Variants in PLD5 observed in about 807,000 individuals in gnomAD.
PLD5 encodes the protein phospholipase D family member 5.
A neutral mutation model predicts 61.1 loss-of-function variants in PLD5; 36 were observed. The ratio of observed to expected loss-of-function variants is 0.59; its 90% CI spans 0.45 to 0.78. The LOEUF is 0.78. Among genes scored for constraint, PLD5 ranks in the 30% least tolerant of loss-of-function variants. The pLI is 0.00. For missense variants in PLD5, 515 were observed against 644.4 expected, an observed-to-expected ratio of 0.80 and a Z score of 2.17; for synonymous variants, 243 against 242.8, an observed-to-expected ratio of 1.00 and a Z score of -0.01.
chr1:242,492,199 G>T (rs1012897758), intron 1 of PLD5, among the ~76,000 whole-genome samples: 1 of 152,060 alleles, frequency 6.6e-6, no homozygotes, highest in African/African-American at 2.4e-5. Context: ...AGCCACCAGT[G>T]TGAAAGAACA....
intron 1 of PLD5, among the ~76,000 whole-genome samples, chr1:242,419,396 T>TC (rs1665009654): frequency 1.3e-5 from 2 of 150,264 alleles, no homozygotes; most frequent in Non-Finnish European, 3.0e-5. Flanking sequence ...GTTTTTTTTT[T>TC]TTTTTTTTTG....
chr1:242,500,749 G>A (rs568760464), intron 1 of PLD5, among the ~76,000 whole-genome samples: 48 of 152,100 alleles, frequency 3.2e-4, no homozygotes, highest in African/African-American at 9.9e-4. Flanking sequence ...GAGGGAGACA[G>A]GATGTAGTCC....
chr1:242,244,501 C>T (rs1017013107), intron 4 of PLD5, among the ~76,000 whole-genome samples: 19 of 152,232 alleles, frequency 1.2e-4, no homozygotes, highest in Admixed American at 1.0e-3. Flanking sequence ...AACAGATTCA[C>T]ATTCACTTGG....
At chr1:242,113,072 T>TTC (rs1319892055) in intron 7 of PLD5, among the ~76,000 whole-genome samples, 4 of 141,868 alleles carry the variant, frequency 2.8e-5, no homozygotes, top group East Asian at 2.1e-4. Flanking sequence ...TGAAGTTTCT[T>TTC]TCTCTCTCTC....
chr1:242,199,578 C>T (rs1460709456), intron 5 of PLD5, among the ~76,000 whole-genome samples: 1 of 152,126 alleles, frequency 6.6e-6, no homozygotes, highest in East Asian at 1.9e-4. Context: ...TTTTGCTACA[C>T]TGATTTATTG....
At chr1:242,181,686 C>T (rs1558313818) in intron 5 of PLD5, among the ~76,000 whole-genome samples, 1 of 151,636 alleles carries the variant, frequency 6.6e-6, no homozygotes, top group African/African-American at 2.4e-5. Context: ...TGTTTTGAGA[C>T]AGAGTCTCAC....
chr1:242,447,849 G>T lies in PLD5; in HGVS notation c.189+76239C>A, dbSNP rs114195621. The stretch of plus-strand genomic sequence containing the variant: ...AGAATATCACTATGCGTATGTTTAT[G>T]CCCATGCTCAAAGTATGCTGGCGCG... On this transcript the variant is annotated intron_variant, in intron 1 of 9. Transcript: ENST00000536534. Among the ~76,000 whole-genome samples the T allele has an allele frequency of 7.4e-3, 1,125 of 152,208 alleles. 17 individuals are homozygous for T. Among genetic ancestry groups the T allele is most frequent in the African/African-American group, 0.026 (1,072 of 41,520 alleles).
intron 5 of PLD5, among the ~76,000 whole-genome samples, chr1:242,179,247 C>T (rs66482918): frequency 0.32 from 48,581 of 151,902 alleles, 7,982 homozygotes; most frequent in African/African-American, 0.36. Context: ...CAAAATATCC[C>T]GTTATTTTCA....
intron 3 of PLD5, among the ~76,000 whole-genome samples, chr1:242,271,230 AGAGAGAG>A (rs1674057701): frequency 2.0e-5 from 3 of 146,880 alleles, no homozygotes; most frequent in African/African-American, 7.9e-5. Context: ...AGAGAGAGAG[AGAGAGAG>A]AGAGAGAAAC....
chr1:242,315,731 T>C (rs1363164282), intron 2 of PLD5, among the ~76,000 whole-genome samples: 1 of 152,182 alleles, frequency 6.6e-6, no homozygotes, highest in African/African-American at 2.4e-5. Context: ...CCCAGGTAGC[T>C]GGGACTACAG....
At position 242,348,200 on chromosome 1, in the gene PLD5, A is replaced by G. The variant is rs756158754; in HGVS notation, c.232T>C (p.Phe78Leu). Residue 78 changes from phenylalanine to leucine, a missense_variant, in exon 2 of 10, where the codon TTT becomes CTT. Phe to Leu is a conservative substitution (Grantham distance 22, BLOSUM62 0). Coordinates refer to ENST00000536534, the MANE Select transcript of PLD5 (RefSeq NM_001372062.1). Reference protein sequence around the residue: ...CIVIFALVCCFAILVALIFSA... With the variant: ...CIVIFALVCCLAILVALIFSA... The stretch of plus-strand genomic sequence containing the variant: ...AAGATCAGTGCAACCAGAATGGCAA[A>G]GCAGCACACCAGGGCAAAGATCACG... 1 of 1,613,284 alleles carries G rather than the reference A, an allele frequency of 6.2e-7. No individual in the cohort carries two copies. The highest frequency in any genetic ancestry group is 8.5e-7 in the Non-Finnish European group (1 of 1,179,748).
rs1262674828 is a variant in PLD5 at position 242,256,297 on chromosome 1, A to G, written c.607+9040T>C. On this transcript the variant is annotated intron_variant, in intron 4 of 9. Coordinates refer to ENST00000536534, the MANE Select transcript of PLD5 (RefSeq NM_001372062.1). This position sits in a 1 kb window ranked among gnomAD's most constrained non-coding sequence, Gnocchi z 5.7. ...GTAACAGAAAGGAAACAATATGGAT[A>G]AAAAGATAGGGAAATCTAGAAATTT... Among the ~76,000 whole-genome samples, 1 of 152,238 alleles carries G rather than the reference A, an allele frequency of 6.6e-6. No homozygotes were observed. Among genetic ancestry groups the G allele is most frequent in the Non-Finnish European group, 1.5e-5 (1 of 68,044 alleles).
intron 4 of PLD5, among the ~76,000 whole-genome samples, chr1:242,243,514 G>C (rs1672184102): frequency 6.6e-6 from 1 of 152,132 alleles, no homozygotes; most frequent in African/African-American, 2.4e-5. Context: ...TAGGAGAGAT[G>C]GAATCCCATC....
intron 1 of PLD5, among the ~76,000 whole-genome samples, chr1:242,431,767 C>T (rs1665731573): frequency 6.6e-6 from 1 of 152,188 alleles, no homozygotes; most frequent in Admixed American, 6.5e-5. Context: ...TTAACTCTGA[C>T]TCCAAAAGCT....
chr1:242,299,867 AT>A lies in PLD5; in HGVS notation c.327-11338del, dbSNP rs1465747238. On this transcript the variant is annotated intron_variant, in intron 2 of 9. Coordinates refer to ENST00000536534, the MANE Select transcript of PLD5 (RefSeq NM_001372062.1). ...TAAATTGATATTTATGGAATGCCAA[AT>A]CCATGATGAGCTCTCCAAGTGCTGA... Among the ~76,000 whole-genome samples the A allele has an allele frequency of 3.9e-5, 6 of 152,324 alleles. No homozygotes were observed. The East Asian group carries it at 1.2e-3, about 29-fold the overall frequency.
rs148224897 is a variant in PLD5, at chr1:242,493,628, G to A, written c.189+30460C>T. On this transcript the variant is annotated intron_variant, in intron 1 of 9. Coordinates refer to ENST00000536534, the MANE Select transcript of PLD5 (RefSeq NM_001372062.1). Reference sequence around the variant, plus strand: ...CACCGAGGATAGCTGGAGAGAGGACGGGCTTGTCTAGAAAGCAGCCCCAGG... The same window carrying A: ...CACCGAGGATAGCTGGAGAGAGGACAGGCTTGTCTAGAAAGCAGCCCCAGG... 1.6e-4 allele frequency among the ~76,000 whole-genome samples: 24 copies of A among 152,244 alleles called. No homozygotes were observed. The South Asian group carries it at 1.7e-3, about 11-fold the overall frequency.
chr1:242,324,352 G>A (rs1288220527), intron 2 of PLD5, among the ~76,000 whole-genome samples: 1 of 152,206 alleles, frequency 6.6e-6, no homozygotes, highest in East Asian at 1.9e-4. Context: ...CTAAGCAAAA[G>A]TGATTTCAAT....
chr1:242,377,751 A>G (rs533429379), intron 1 of PLD5, among the ~76,000 whole-genome samples: 53 of 152,334 alleles, frequency 3.5e-4, no homozygotes, highest in African/African-American at 1.3e-3. Flanking sequence ...AAATACACAA[A>G]TGATTAATAA....
At chr1:242,091,119 C>A (rs1659790967) in intron 9 of PLD5, among the ~76,000 whole-genome samples, 1 of 152,122 alleles carries the variant, frequency 6.6e-6, no homozygotes, top group African/African-American at 2.4e-5. Context: ...CAAATTTCCC[C>A]CCTTTTACAA....
Sources: allele counts gnomAD v4.1 joint callset (sites outside exome capture counted in the v4.1 genomes callset), GRCh38; gene constraint gnomAD v4.1.1; non-coding constraint Gnocchi (gnomAD v3.1); transcripts MANE v1.5; gene names NCBI Gene and HGNC (gene_info 2026-07-23, HGNC 2026-07-21).